Variants in PIK3C2B observed in about 807,000 individuals in gnomAD.
PIK3C2B encodes phosphatidylinositol-4-phosphate 3-kinase catalytic subunit type 2 beta, also known as phosphatidylinositol 4-phosphate 3-kinase C2 domain-containing subunit beta.
PIK3C2B carries 83 observed loss-of-function variants against 184.3 expected under a neutral mutation model. The observed-to-expected ratio is 0.45, with a 90% CI of 0.38 to 0.54. The LOEUF (loss-of-function observed/expected upper bound fraction) is 0.54. PIK3C2B is among the 20% of genes least tolerant of loss of function. PIK3C2B has a pLI of 0.00. For missense variants in PIK3C2B, 1,736 were observed against 2,113.5 expected, an observed-to-expected ratio of 0.82 and a Z score of 3.50; for synonymous variants, 779 against 837.6, an observed-to-expected ratio of 0.93 and a Z score of 1.21.
chr1:204,434,223 C>T (rs1675221882), intron 24 of PIK3C2B, among the ~76,000 whole-genome samples: 1 of 152,210 alleles, frequency 6.6e-6, no homozygotes, highest in African/African-American at 2.4e-5. Context: ...TTTGTTCAGT[C>T]CTTGGTAGGG....
At chr1:204,432,500 C>A in intron 26 of PIK3C2B, 99 bp from the exon 27 acceptor site, 1 of 873,280 alleles carries the variant, frequency 1.1e-6, no homozygotes, top group Non-Finnish European at 1.8e-6. Context: ...CTGAGACTAA[C>A]AATCAGCTCA....
intron 2 of PIK3C2B, among the ~76,000 whole-genome samples, chr1:204,467,511 C>A (rs998562997): frequency 1.3e-5 from 2 of 151,990 alleles, no homozygotes; most frequent in African/African-American, 2.4e-5. Context: ...GAAACCAGGA[C>A]AGAATGAAGT....
Position 204,467,051 on chromosome 1 carries a change from A to T in PIK3C2B, c.934-1732T>A, listed in dbSNP as rs555294548. 2.1e-4 allele frequency: 92 copies of T among 442,004 alleles called. 1 individual carries two copies. Among genetic ancestry groups the T allele is most frequent in the South Asian group, 1.6e-3 (90 of 56,748 alleles). The allele number at this position is 442,004 out of a possible 1,614,324, so 27.4% of individuals were successfully genotyped here. A position where few individuals can be genotyped will look rare whatever the true frequency, so the allele number is the denominator to read the frequency against. ...CCAAGGCCGCATTTCCCCACTCAGAACTGGCAAGAGCTTTTTGCTTTGTGT... is the reference window on the plus strand; with the variant it reads ...CCAAGGCCGCATTTCCCCACTCAGATCTGGCAAGAGCTTTTTGCTTTGTGT... On this transcript the variant is annotated intron_variant, in intron 2 of 32. Coordinates refer to ENST00000684373, the MANE Select transcript of PIK3C2B (RefSeq NM_001377334.1).
intron 2 of PIK3C2B, among the ~76,000 whole-genome samples, chr1:204,466,235 G>C (rs114250476): frequency 0.024 from 3,702 of 152,308 alleles, 153 homozygotes; most frequent in African/African-American, 0.084. Flanking sequence ...CACCAGGGAC[G>C]AGGCTTCAGC....
intron 20 of PIK3C2B, among the ~76,000 whole-genome samples, 159 bp from the exon 21 acceptor site, chr1:204,441,722 C>G (rs576006975): frequency 6.6e-6 from 1 of 152,216 alleles, no homozygotes; most frequent in South Asian, 2.1e-4. Flanking sequence ...ACCCAATTTC[C>G]TTCCTTCTCT....
At chr1:204,481,224 A>G (rs1362527099) in intron 1 of PIK3C2B, among the ~76,000 whole-genome samples, 1 of 150,522 alleles carries the variant, frequency 6.6e-6, no homozygotes, top group Non-Finnish European at 1.5e-5. Flanking sequence ...CAGCTCTCCC[A>G]GAAGAGAAGA....
chr1:204,427,768 T>C lies in PIK3C2B; in HGVS notation c.4481-14A>G. On this transcript the variant is annotated splice_polypyrimidine_tract_variant and intron_variant, in intron 30 of 32. Transcript: ENST00000684373. ...CCCATGTGCCATCTGTAGGGACAAA[T>C]GAAACCATGAAGGGTCAAGAGGCCA... 6.3e-7 allele frequency: 1 copy of C among 1,584,974 alleles called. No individual in the cohort carries two copies.
At chr1:204,432,630 G>A (rs535984475) in intron 26 of PIK3C2B, among the ~76,000 whole-genome samples, 174 of 152,192 alleles carry the variant, frequency 1.1e-3, no homozygotes, top group South Asian at 1.9e-3. Context: ...GCCCACCTGA[G>A]CCAAAAACCA....
chr1:204,489,239 C>T (rs867587699), intron 1 of PIK3C2B, among the ~76,000 whole-genome samples: 1 of 152,162 alleles, frequency 6.6e-6, no homozygotes, highest in South Asian at 2.1e-4. Flanking sequence ...GCAATTATAG[C>T]TCACTGCAGC....
chr1:204,438,945 T>C lies in PIK3C2B; in HGVS notation c.3506A>G (p.Glu1169Gly), dbSNP rs778228134. The change falls in exon 23 of 33, where the codon GAG becomes GGG. Residue 1169 changes from glutamate (E) to glycine (G), a missense_variant. By Grantham distance (98) the Glu-to-Gly change is moderately conservative. Coordinates refer to ENST00000684373, the MANE Select transcript of PIK3C2B (RefSeq NM_001377334.1). ...CACCCACAACCCTACCTTCTCATAC[T>C]CGTCCTCCCCAGGGTTGTGTTTCTG... ...WLQKHNPGED[E>G]YEKAVENFIY... is the part of the protein sequence containing the mutation. The C allele has an allele frequency of 1.7e-5, 28 of 1,613,614 alleles. No individual in the cohort carries two copies. The highest frequency in any genetic ancestry group is 2.2e-5 in the Non-Finnish European group (26 of 1,180,024).
chr1:204,462,349 C>T (rs568887528), intron 5 of PIK3C2B, among the ~76,000 whole-genome samples: 135 of 145,752 alleles, frequency 9.3e-4, no homozygotes, highest in African/African-American at 2.9e-3. Context: ...TGGGCTGCTC[C>T]TTCCCTGCTG....
chr1:204,491,990 C>T (rs943049209), intron 1 of PIK3C2B, among the ~76,000 whole-genome samples: 8 of 152,144 alleles, frequency 5.3e-5, no homozygotes, highest in African/African-American at 1.7e-4. Flanking sequence ...AAGAAAAATA[C>T]CCAAGGAATA....
chr1:204,490,483 T>A (rs1054592428), intron 1 of PIK3C2B: 1 of 152,206 alleles, frequency 6.6e-6, no homozygotes, highest in Non-Finnish European at 1.5e-5. Context: ...GCAGGATAGG[T>A]CCTTTCACGG....
At position 204,441,514 on chromosome 1, in the gene PIK3C2B, T is replaced by C; in HGVS notation, c.3206A>G (p.Gln1069Arg). Residue 1069 changes from glutamine (Q) to arginine (R), a missense_variant, in exon 21 of 33, where the codon CAA becomes CGA. Physicochemically the swap from Gln to Arg is conservative, Grantham distance 43. This residue lies in a region of PIK3C2B where 289 missense variants were observed against 380.4 expected (regional missense o/e 0.76). Transcript: ENST00000684373. ...SNAVPLKLSF[Q>R]NVDPLGENIR... ...GTTCTCACCCAGGGGATCCACATTT[T>C]GGAAGGAGAGTTTGAGGGGGACAGC... is the stretch of plus-strand genomic sequence containing the variant. The C allele has an allele frequency of 6.2e-7, 1 of 1,613,502 alleles. No homozygotes were observed. The highest frequency in any genetic ancestry group is 8.5e-7 in the Non-Finnish European group (1 of 1,179,448).
chr1:204,445,389 T>C (rs546314451), intron 16 of PIK3C2B, among the ~76,000 whole-genome samples: 1 of 151,348 alleles, frequency 6.6e-6, no homozygotes, highest in South Asian at 2.1e-4. Flanking sequence ...AACCCAGGAG[T>C]TTGAAACCAG....
At chr1:204,430,439 G>A (rs370844404) in intron 28 of PIK3C2B, among the ~76,000 whole-genome samples, 73 of 151,860 alleles carry the variant, frequency 4.8e-4, no homozygotes, top group Non-Finnish European at 8.8e-4. Context: ...TCCACCACCC[G>A]GGTTCAAGCG....
chr1:204,493,481 G>A (rs1395037676), intron 1 of PIK3C2B, among the ~76,000 whole-genome samples: 1 of 16,632 alleles, frequency 6.0e-5, no homozygotes, highest in Non-Finnish European at 6.0e-3. Context: ...AGCGGGTGGA[G>A]AGGAGAAAAG....
intron 2 of PIK3C2B, chr1:204,466,770 C>T (rs530850860): frequency 8.2e-5 from 41 of 498,604 alleles, no homozygotes; most frequent in African/African-American, 1.2e-4. Flanking sequence ...AAGCCACTTA[C>T]GTTTGCCCAG....
chr1:204,481,882 C>T (rs1198336701), intron 1 of PIK3C2B, among the ~76,000 whole-genome samples: 2 of 152,106 alleles, frequency 1.3e-5, no homozygotes, highest in Non-Finnish European at 2.9e-5. Flanking sequence ...AAAGGGACAC[C>T]GGTTTTCAAG....
Sources: allele counts gnomAD v4.1 joint callset (sites outside exome capture counted in the v4.1 genomes callset), GRCh38; gene constraint gnomAD v4.1.1; regional missense constraint gnomAD v4.1.1; transcripts MANE v1.5; gene names NCBI Gene and HGNC (gene_info 2026-07-23, HGNC 2026-07-21).